The following TNS3 variants were observed in gnomAD, a reference collection of about 807,000 sequenced individuals.
TNS3 encodes the protein tensin 3.
In TNS3, 45 loss-of-function variants were observed where a neutral mutation model predicts 140.9. That is an observed-to-expected ratio of 0.32 (90% CI 0.25 to 0.41). TNS3 has a LOEUF of 0.41. Among genes scored for constraint, TNS3 ranks in the 10% least tolerant of loss-of-function variants. The pLI is 1.00. For missense variants in TNS3, 1,716 were observed against 1,906.7 expected, an observed-to-expected ratio of 0.90 and a Z score of 1.86; for synonymous variants, 815 against 788.4, an observed-to-expected ratio of 1.03 and a Z score of -0.56.
chr7:47,502,365 G>C (rs183928455), intron 3 of TNS3, among the ~76,000 whole-genome samples: 22 of 152,314 alleles, frequency 1.4e-4, no homozygotes, highest in Admixed American at 9.1e-4. Flanking sequence ...AAACTTATCA[G>C]TTAGGCCACT....
In TNS3 at chr7:47,414,017, G is replaced by T; in HGVS notation, c.587-20C>A. On this transcript the variant is annotated intron_variant, in intron 11 of 30. Coordinates refer to ENST00000311160, the MANE Select transcript of TNS3 (RefSeq NM_022748.12). ...GGCACACTGAAAGAAAGGCACAACT[G>T]TCTGTAGAGGCATGACCGGTACAGA... 6.2e-7 allele frequency: 1 copy of T among 1,613,304 alleles called. No individual in the cohort carries two copies. The highest frequency in any genetic ancestry group is 8.5e-7 in the Non-Finnish European group (1 of 1,179,580).
intron 16 of TNS3, among the ~76,000 whole-genome samples, chr7:47,388,922 G>GGAGAGA (rs796888751): frequency 1.3e-5 from 2 of 150,288 alleles, no homozygotes; most frequent in South Asian, 4.3e-4. Context: ...AGAGGGAGAG[G>GGAGAGA]GAGGAGAAGA....
chr7:47,543,215 G>A (rs980555926), intron 1 of TNS3, among the ~76,000 whole-genome samples: 1 of 152,230 alleles, frequency 6.6e-6, no homozygotes, highest in African/African-American at 2.4e-5. Context: ...CCGAAATCCA[G>A]AAGGGACAGT....
At chr7:47,306,235 T>G (rs975712836) in intron 20 of TNS3, among the ~76,000 whole-genome samples, 34 of 152,346 alleles carry the variant, frequency 2.2e-4, no homozygotes, top group African/African-American at 6.3e-4. Flanking sequence ...AGCACTGGTC[T>G]GTGGATTATT....
intron 3 of TNS3, 52 bp from the exon 4 acceptor site, chr7:47,481,193 T>G: frequency 3.2e-6 from 4 of 1,267,404 alleles, no homozygotes; most frequent in Non-Finnish European, 4.1e-6. Context: ...AGGAAAAAAT[T>G]AGCATAATAA....
chr7:47,515,576 T>C (rs1798753534), intron 2 of TNS3, among the ~76,000 whole-genome samples: 1 of 151,550 alleles, frequency 6.6e-6, no homozygotes, highest in South Asian at 2.1e-4. Context: ...TCTCCATCAA[T>C]TACACCATCA....
chr7:47,470,537 C>T (rs1319408929), intron 4 of TNS3: 7 of 985,292 alleles, frequency 7.1e-6, no homozygotes, highest in African/African-American at 1.7e-5. Flanking sequence ...AGGGACCACA[C>T]GACAATACTT....
intron 4 of TNS3, among the ~76,000 whole-genome samples, chr7:47,474,613 CTCACACACAACACT>C (rs1303329652): frequency 9.1e-5 from 13 of 143,312 alleles, no homozygotes; most frequent in African/African-American, 3.1e-4. Flanking sequence ...CACAAAACAC[CTCACACACAACACT>C]TCACACACAA....
intron 20 of TNS3, among the ~76,000 whole-genome samples, chr7:47,315,805 T>C (rs1033164855): frequency 6.6e-6 from 1 of 152,156 alleles, no homozygotes; most frequent in African/African-American, 2.4e-5. Context: ...AAAAACAAAA[T>C]CAGCATTTTC....
intron 9 of TNS3, among the ~76,000 whole-genome samples, chr7:47,427,353 T>A (rs1400612349): frequency 6.6e-6 from 1 of 152,182 alleles, no homozygotes; most frequent in African/African-American, 2.4e-5. Context: ...ACTCCTCAGT[T>A]GGTTTCCAGA....
chr7:47,290,649 T>A (rs1377642734), intron 27 of TNS3, among the ~76,000 whole-genome samples: 1 of 152,154 alleles, frequency 6.6e-6, no homozygotes, highest in Non-Finnish European at 1.5e-5. Flanking sequence ...TACGCTACTA[T>A]TAGAAAGGCC....
At position 47,379,665 on chromosome 7, in the gene TNS3, G is replaced by A. The variant is rs188784444; in HGVS notation, c.1025-10044C>T. Among the ~76,000 whole-genome samples, 136 of 152,168 alleles carry A rather than the reference G, an allele frequency of 8.9e-4. 1 individual carries two copies. The highest frequency in any genetic ancestry group is 3.2e-3 in the African/African-American group (131 of 41,520). ...TAGGGACAACTCTTTCTCTCCTTAGGCAGAATAACTCCATTCTAAGGCATT... is the reference window on the plus strand; with the variant it reads ...TAGGGACAACTCTTTCTCTCCTTAGACAGAATAACTCCATTCTAAGGCATT... On this transcript the variant is annotated intron_variant, in intron 16 of 30. Transcript: ENST00000311160.
At position 47,549,493 on chromosome 7, in the gene TNS3, CA is replaced by C. The variant is rs541985972; in HGVS notation, c.-264-20347del. ...CCGGCAACAGAGGGAAACTCCATCTCAAAAAAAAAAGTTCTCTTCATGAGCC... is the reference window on the plus strand; with the variant it reads ...CCGGCAACAGAGGGAAACTCCATCTCAAAAAAAAAGTTCTCTTCATGAGCC... On this transcript the variant is annotated intron_variant, in intron 1 of 30. Coordinates refer to ENST00000311160, the MANE Select transcript of TNS3 (RefSeq NM_022748.12). 5.0e-3 allele frequency among the ~76,000 whole-genome samples: 738 copies of C among 148,756 alleles called. 6 individuals are homozygous for C. The highest frequency in any genetic ancestry group is 0.017 in the African/African-American group (701 of 40,632).
At chr7:47,353,675 A>G (rs1159100898) in intron 17 of TNS3, among the ~76,000 whole-genome samples, 1 of 152,154 alleles carries the variant, frequency 6.6e-6, no homozygotes, top group Non-Finnish European at 1.5e-5. Flanking sequence ...CACACTTCAC[A>G]TCAATGTGAA....
At chr7:47,297,252 G>C (rs1274964125) in intron 23 of TNS3, 39 bp from the exon 24 acceptor site, 2 of 1,582,600 alleles carry the variant, frequency 1.3e-6, no homozygotes. Context: ...GGTCTGCCGG[G>C]TGGACAAAGG....
chr7:47,306,807 G>A (rs1281079586), intron 20 of TNS3, among the ~76,000 whole-genome samples: 2 of 152,182 alleles, frequency 1.3e-5, no homozygotes, highest in African/African-American at 4.8e-5. Context: ...ACGATCTCCT[G>A]AACTCGTGAT....
chr7:47,576,466 T>C (rs1187207328), intron 1 of TNS3, among the ~76,000 whole-genome samples: 3 of 152,232 alleles, frequency 2.0e-5, no homozygotes, highest in Non-Finnish European at 4.4e-5. Context: ...TGCCAGAGCC[T>C]GGCCTATGTC....
At chr7:47,457,066 C>T (rs1463707648) in intron 4 of TNS3, among the ~76,000 whole-genome samples, 2 of 144,348 alleles carry the variant, frequency 1.4e-5, no homozygotes, top group African/African-American at 2.6e-5. Context: ...TCAGTGTGGG[C>T]TCAATTCTTC....
At position 47,278,002 on chromosome 7, in the gene TNS3, G is replaced by A; in HGVS notation, c.*74C>T. On this transcript the variant is annotated 3_prime_UTR_variant, in exon 31 of 31. Transcript: ENST00000311160. ...GTTTACTAGTTTGGTAAAAAGTGGGGGCCCCACCCTCACCCAACGGCTGTC... is the reference window on the plus strand; with the variant it reads ...GTTTACTAGTTTGGTAAAAAGTGGGAGCCCCACCCTCACCCAACGGCTGTC... The A allele has an allele frequency of 6.3e-7, 1 of 1,599,840 alleles. No individual in the cohort carries two copies. Among genetic ancestry groups the A allele is most frequent in the South Asian group, 1.1e-5 (1 of 89,692 alleles).
Sources: gnomAD v4.1 joint callset for allele counts (sites outside exome capture counted in the v4.1 genomes callset) on GRCh38, gnomAD v4.1.1 for gene constraint, MANE v1.5 for transcripts, NCBI Gene and HGNC (gene_info 2026-07-23, HGNC 2026-07-21) for gene names.